The following CORIN variants were observed in gnomAD, a reference collection of about 807,000 sequenced individuals.
The protein encoded by CORIN is atrial natriuretic peptide-converting enzyme.
Under a neutral mutation model 125.3 loss-of-function variants are expected in CORIN, and 117 were observed. The ratio of observed to expected loss-of-function variants is 0.93; its 90% CI spans 0.80 to 1.09. The LOEUF (loss-of-function observed/expected upper bound fraction) is 1.09, where lower values mean the gene tolerates loss of function less well. CORIN is among the 50% of genes least tolerant of loss of function. The pLI is 0.00. For synonymous variants in CORIN, 450 were observed against 466.4 expected, an observed-to-expected ratio of 0.96 and a Z score of 0.45; for missense variants, 1,253 against 1,306.7, an observed-to-expected ratio of 0.96 and a Z score of 0.63.
chr4:47,762,928 A>G (rs1729534551), intron 4 of CORIN, among the ~76,000 whole-genome samples: 1 of 152,036 alleles, frequency 6.6e-6, no homozygotes, highest in Admixed American at 6.5e-5. Flanking sequence ...CCATAGATAC[A>G]ACTCTCTCTA....
intron 5 of CORIN, among the ~76,000 whole-genome samples, chr4:47,694,945 A>G (rs1295272198): frequency 6.6e-6 from 1 of 152,248 alleles, no homozygotes; most frequent in Non-Finnish European, 1.5e-5. Context: ...TGATCTGGTA[A>G]GTTTCTTATG....
rs562886778 is a variant in CORIN, at chr4:47,793,027, C to T, written c.209-6102G>A. 1.0e-3 allele frequency among the ~76,000 whole-genome samples: 150 copies of T among 149,050 alleles called. 1 individual carries two copies. The highest frequency in any genetic ancestry group is 3.6e-3 in the African/African-American group (138 of 38,732). On this transcript the variant is annotated intron_variant, in intron 2 of 21. Transcript: ENST00000273857. ...GAATGAAAAATAGATTTGTAGAAGC[C>T]TGTTGTTGTTGTTGTTGTTGTTGTT...
At chr4:47,650,656 A>T (rs2109636383) in intron 13 of CORIN, among the ~76,000 whole-genome samples, 1 of 152,292 alleles carries the variant, frequency 6.6e-6, no homozygotes, top group Non-Finnish European at 1.5e-5. Context: ...CTGCATGGCT[A>T]TCAATGCTTG....
At chr4:47,752,570 G>A (rs1178700117) in intron 4 of CORIN, among the ~76,000 whole-genome samples, 1 of 152,148 alleles carries the variant, frequency 6.6e-6, no homozygotes, top group Non-Finnish European at 1.5e-5. Flanking sequence ...CAACATTTAA[G>A]TAATGCCCAC....
intron 3 of CORIN, 29 bp downstream of exon 3, chr4:47,786,696 C>A (rs749615445): frequency 6.3e-7 from 1 of 1,578,462 alleles, no homozygotes; most frequent in Non-Finnish European, 8.7e-7. Context: ...ACATTAAAAG[C>A]CTCTAGCATG....
At chr4:47,642,189 G>T in intron 15 of CORIN, 140 bp from the exon 16 acceptor site, 2 of 795,066 alleles carry the variant, frequency 2.5e-6, no homozygotes, top group Non-Finnish European at 3.7e-6. Context: ...TACCTACCCT[G>T]TGCAAATCAC....
chr4:47,780,132 C>T (rs1730474493), intron 3 of CORIN, among the ~76,000 whole-genome samples: 1 of 151,308 alleles, frequency 6.6e-6, no homozygotes. Context: ...CTTGAAGATA[C>T]TAACTTGAAG....
chr4:47,763,912 C>T (rs1729588261), intron 3 of CORIN, among the ~76,000 whole-genome samples: 1 of 151,900 alleles, frequency 6.6e-6, no homozygotes, highest in Admixed American at 6.6e-5. Context: ...CCAAAAAAAT[C>T]TTTTCACCAT....
At chr4:47,749,759 C>A (rs183510956) in intron 4 of CORIN, among the ~76,000 whole-genome samples, 74 of 152,320 alleles carry the variant, frequency 4.9e-4, no homozygotes, top group African/African-American at 1.7e-3. Flanking sequence ...AAGACTCACA[C>A]AATCATCTTT....
chr4:47,790,290 C>T, intron 2 of CORIN: 27 of 646,464 alleles, frequency 4.2e-5, no homozygotes, highest in Non-Finnish European at 5.0e-5. Context: ...CCCGACTGGC[C>T]TGCGCACTGG....
intron 19 of CORIN, among the ~76,000 whole-genome samples, chr4:47,604,272 G>C (rs1357115095): frequency 1.3e-5 from 2 of 152,100 alleles, no homozygotes; most frequent in Non-Finnish European, 2.9e-5. Context: ...TTCCCTCTCA[G>C]TCTTTTCTTC....
chr4:47,746,471 T>G (rs574058502), intron 4 of CORIN, among the ~76,000 whole-genome samples: 17 of 152,280 alleles, frequency 1.1e-4, no homozygotes, highest in Non-Finnish European at 2.4e-4. Flanking sequence ...CCAGGACCTA[T>G]TCTATTTACT....
At chr4:47,791,893 T>A (rs1467480433) in intron 2 of CORIN, among the ~76,000 whole-genome samples, 6 of 152,208 alleles carry the variant, frequency 3.9e-5, no homozygotes, top group African/African-American at 1.4e-4. Context: ...ACTATCAAGA[T>A]GTTTATAGAT....
At chr4:47,629,044 G>T (rs538368985) in intron 16 of CORIN, among the ~76,000 whole-genome samples, 2 of 152,206 alleles carry the variant, frequency 1.3e-5, no homozygotes, top group African/African-American at 4.8e-5. Context: ...ATTTCCTTTA[G>T]ATATATACCC....
chr4:47,653,468 G>T, intron 13 of CORIN, 85 bp downstream of exon 13: 1 of 1,039,144 alleles, frequency 9.6e-7, no homozygotes, highest in South Asian at 1.4e-5. Context: ...TACTATCAGT[G>T]AATAGTTTCC....
chr4:47,709,501 A>T (rs1330384419), intron 5 of CORIN, among the ~76,000 whole-genome samples: 1 of 152,082 alleles, frequency 6.6e-6, no homozygotes, highest in Non-Finnish European at 1.5e-5. Flanking sequence ...CATGTTGCCC[A>T]GGCTAGTCTC....
chr4:47,676,181 G>T (rs1298735928), intron 9 of CORIN, among the ~76,000 whole-genome samples: 1 of 152,156 alleles, frequency 6.6e-6, no homozygotes, highest in Non-Finnish European at 1.5e-5. Context: ...CTGTCTAGCA[G>T]AACAAACCTG....
chr4:47,650,678 G>A (rs536064990), intron 13 of CORIN, among the ~76,000 whole-genome samples: 3 of 152,064 alleles, frequency 2.0e-5, no homozygotes, highest in East Asian at 1.9e-4. Flanking sequence ...AAAATGTTAC[G>A]TTGAAAATAA....
Position 47,639,502 on chromosome 4 carries a change from T to A in CORIN, c.2198+2418A>T, listed in dbSNP as rs1405524077. Among the ~76,000 whole-genome samples the A allele has an allele frequency of 2.0e-5, 3 of 152,326 alleles. No homozygotes were observed. In the East Asian group the frequency reaches 5.8e-4, roughly 29 times the overall value. ...ATAAAAAGGGAAGGGGAATGCTGAATGGAATTAGTTGGGAGTTGCTTTTTA... is the reference window on the plus strand; with the variant it reads ...ATAAAAAGGGAAGGGGAATGCTGAAAGGAATTAGTTGGGAGTTGCTTTTTA... On this transcript the variant is annotated intron_variant, in intron 16 of 21. Coordinates refer to ENST00000273857, the MANE Select transcript of CORIN (RefSeq NM_006587.4).
Sources: allele counts gnomAD v4.1 joint callset (sites outside exome capture counted in the v4.1 genomes callset), GRCh38; gene constraint gnomAD v4.1.1; transcripts MANE v1.5; gene names NCBI Gene and HGNC (gene_info 2026-07-23, HGNC 2026-07-21).